EDIL3: variants seen among roughly 807,000 people sequenced by gnomAD.
The protein encoded by EDIL3 is EGF-like repeat and discoidin I-like domain-containing protein 3.
EDIL3 carries 37 observed loss-of-function variants against 67.4 expected under a neutral mutation model. The ratio of observed to expected loss-of-function variants is 0.55; its 90% CI spans 0.42 to 0.72. The LOEUF is 0.72. Among genes scored for constraint, EDIL3 ranks in the 30% least tolerant of loss-of-function variants. EDIL3 has a pLI of 0.00. For synonymous variants in EDIL3, 195 were observed against 196.3 expected (o/e 0.99, Z 0.05); for missense variants, 527 against 586.3 (o/e 0.90, Z 1.04).
chr5:83,940,956 A>T lies in EDIL3; in HGVS notation c.*2463T>A. The T allele has an allele frequency of 6.6e-6, 1 of 152,126 alleles. No homozygotes were observed. The highest frequency in any genetic ancestry group is 6.6e-5 in the Admixed American group (1 of 15,264). 9.4% of individuals were successfully genotyped at this position (152,126 alleles called of 1,614,324 possible). On this transcript the variant is annotated 3_prime_UTR_variant, in exon 11 of 11. Transcript: ENST00000296591. ...ATGTAGATATAATGGAGATGTTTAA[A>T]AGTTTAGTTTCATTAATTGTAAAAT...
chr5:83,975,219 G>A (rs554685834), intron 9 of EDIL3, among the ~76,000 whole-genome samples: 1 of 152,020 alleles, frequency 6.6e-6, no homozygotes, highest in Admixed American at 6.6e-5. Context: ...CTACATTTAA[G>A]GGACTCATAT....
At chr5:84,075,190 G>A (rs1355529230) in intron 6 of EDIL3, among the ~76,000 whole-genome samples, 1 of 151,154 alleles carries the variant, frequency 6.6e-6, no homozygotes, top group East Asian at 2.0e-4. Flanking sequence ...CACACTCTGG[G>A]TACTGTTGTG....
chr5:84,240,748 T>C (rs1312681278), intron 2 of EDIL3, among the ~76,000 whole-genome samples: 1 of 152,180 alleles, frequency 6.6e-6, no homozygotes, highest in Non-Finnish European at 1.5e-5. Flanking sequence ...CGCAGCTCTA[T>C]GGAATACAGA....
At chr5:84,050,776 C>T (rs982400711) in intron 9 of EDIL3, among the ~76,000 whole-genome samples, 1 of 152,162 alleles carries the variant, frequency 6.6e-6, no homozygotes, top group African/African-American at 2.4e-5. Context: ...AGGGGTGTTC[C>T]CCATTGCTGA....
chr5:84,234,488 A>G (rs1349770005), intron 2 of EDIL3, among the ~76,000 whole-genome samples: 1 of 152,018 alleles, frequency 6.6e-6, no homozygotes, highest in Non-Finnish European at 1.5e-5. Context: ...ATACTATAAC[A>G]CTTAAGTTTA....
At chr5:84,011,047 A>G (rs1257984209) in intron 9 of EDIL3, among the ~76,000 whole-genome samples, 1 of 152,194 alleles carries the variant, frequency 6.6e-6, no homozygotes, top group Non-Finnish European at 1.5e-5. Context: ...GGTACCATCT[A>G]TGCTCCAGTG....
intron 9 of EDIL3, among the ~76,000 whole-genome samples, chr5:84,037,988 G>GTTTTTTTTTTTTTTTTT (rs67762520): frequency 1.0e-4 from 10 of 99,748 alleles, no homozygotes; most frequent in East Asian, 2.9e-4. Flanking sequence ...TTTCTTTCTT[G>GTTTTTTTTTTTTTTTTT]TTTTTTTTTT....
chr5:84,383,222 A>G (rs1245153528), intron 1 of EDIL3, among the ~76,000 whole-genome samples: 1 of 152,150 alleles, frequency 6.6e-6, no homozygotes, highest in Non-Finnish European at 1.5e-5. Flanking sequence ...CGCATCTGTG[A>G]GCGCAGGAGT....
intron 9 of EDIL3, among the ~76,000 whole-genome samples, chr5:84,046,327 A>AT (rs774448930): frequency 5.9e-5 from 9 of 152,320 alleles, no homozygotes; most frequent in Admixed American, 2.0e-4. Context: ...GACCAGAGCT[A>AT]TGCTGGTCAG....
At chr5:84,105,793 C>G (rs143802552) in intron 6 of EDIL3, among the ~76,000 whole-genome samples, 2,759 of 152,090 alleles carry the variant, frequency 0.018, 56 homozygotes, top group Middle Eastern at 0.065. Context: ...TCAGGCTGTT[C>G]CCTGGATGTT....
chr5:84,292,135 TTTTG>T (rs910509366), intron 1 of EDIL3, among the ~76,000 whole-genome samples: 2 of 152,090 alleles, frequency 1.3e-5, no homozygotes, highest in South Asian at 2.1e-4. Flanking sequence ...ATTTCTGTTT[TTTTG>T]TTTGTTTTGT....
At chr5:84,258,704 A>G (rs1239622365) in intron 1 of EDIL3, among the ~76,000 whole-genome samples, 1 of 152,126 alleles carries the variant, frequency 6.6e-6, no homozygotes, top group African/African-American at 2.4e-5. Context: ...CAAAACCATC[A>G]TATCTCAGCC....
intron 9 of EDIL3, among the ~76,000 whole-genome samples, chr5:84,027,341 G>T (rs1254953206): frequency 6.6e-6 from 1 of 152,134 alleles, no homozygotes; most frequent in Non-Finnish European, 1.5e-5. Context: ...TGCATCACAA[G>T]TGTTCAAAAC....
rs1157224296 is a variant in EDIL3, at chr5:84,066,592, C to T, written c.666G>A (p.Arg222=). ...RWPWIQINLQ[R]KMRVTGVITQ... is the part of the protein sequence containing the mutation. ...TAATCACACCAGTAACTCTCATTTT[C>T]CTTTGCAAATTTATCTGAAAAGACG... The change falls in exon 7 of 11, where the codon AGG becomes AGA. Residue 222 remains arginine (R), a synonymous_variant. Coordinates refer to ENST00000296591, the MANE Select transcript of EDIL3 (RefSeq NM_005711.5). The T allele has an allele frequency of 6.2e-7, 1 of 1,611,910 alleles. No individual in the cohort carries two copies. Among genetic ancestry groups the T allele is most frequent in the Non-Finnish European group, 8.5e-7 (1 of 1,179,538 alleles).
At chr5:84,382,947 C>T (rs1748119336) in intron 1 of EDIL3, among the ~76,000 whole-genome samples, 1 of 152,148 alleles carries the variant, frequency 6.6e-6, no homozygotes, top group African/African-American at 2.4e-5. Flanking sequence ...GGGCATCTGG[C>T]CAGCAACACC....
chr5:83,944,345 C>T (rs542767864), intron 10 of EDIL3, among the ~76,000 whole-genome samples: 4 of 150,802 alleles, frequency 2.7e-5, no homozygotes, highest in Admixed American at 1.3e-4. Context: ...CTTATAATAT[C>T]CTGACCCTTT....
At chr5:84,152,986 T>C (rs895645217) in intron 4 of EDIL3, among the ~76,000 whole-genome samples, 1 of 152,198 alleles carries the variant, frequency 6.6e-6, no homozygotes, top group African/African-American at 2.4e-5. Flanking sequence ...ATACAGAGGT[T>C]ACTGTAATTT....
chr5:84,330,601 T>C lies in EDIL3; in HGVS notation c.67+53707A>G, dbSNP rs75798837. The stretch of plus-strand genomic sequence containing the variant: ...CAAACTTATAAGAAAATATAGTTAA[T>C]ATTTACAGTAGGGAGATAAATGATC... On this transcript the variant is annotated intron_variant, in intron 1 of 10. Coordinates refer to ENST00000296591, the MANE Select transcript of EDIL3 (RefSeq NM_005711.5). Among the ~76,000 whole-genome samples, 465 of 152,298 alleles carry C rather than the reference T, an allele frequency of 3.1e-3. 8 individuals carry two copies. Among genetic ancestry groups the C allele is most frequent in the Admixed American group, 0.025 (384 of 15,296 alleles).
intron 6 of EDIL3, among the ~76,000 whole-genome samples, chr5:84,084,013 T>A (rs1747024981): frequency 1.3e-5 from 2 of 152,158 alleles, no homozygotes; most frequent in Non-Finnish European, 2.9e-5. Context: ...CTCTGCTTCC[T>A]TGGAAGTAAA....
Sources: gnomAD v4.1 joint callset for allele counts (sites outside exome capture counted in the v4.1 genomes callset) on GRCh38, gnomAD v4.1.1 for gene constraint, MANE v1.5 for transcripts, NCBI Gene and HGNC (gene_info 2026-07-23, HGNC 2026-07-21) for gene names.